The following LINGO2 variants were observed in gnomAD, a reference collection of about 807,000 sequenced individuals.
LINGO2 encodes the protein leucine-rich repeat and immunoglobulin-like domain-containing nogo receptor-interacting protein 2.
LINGO2 carries 14 observed loss-of-function variants against 30.6 expected under a neutral mutation model. The observed-to-expected ratio is 0.46, with a 90% CI of 0.30 to 0.72. The LOEUF is 0.72. Ranked by LOEUF, LINGO2 falls within the 30% of genes least tolerant of loss-of-function variation. The pLI is 0.07. For missense variants in LINGO2, 729 were observed against 751.7 expected, an observed-to-expected ratio of 0.97 and a Z score of 0.35; for synonymous variants, 317 against 288.5, an observed-to-expected ratio of 1.10 and a Z score of -1.00.
At chr9:28,713,521 A>G in the LINGO2 span, among the ~76,000 whole-genome samples, 1 of 152,168 alleles carries the variant, frequency 6.6e-6, no homozygotes, top group African/African-American at 2.4e-5. Context: ...AAAATGCTCC[A>G]TGCTCTTTCC....
At chr9:28,653,484 TTAAA>T (rs1438994843) in intron 1 of LINGO2, among the ~76,000 whole-genome samples, 1 of 151,992 alleles carries the variant, frequency 6.6e-6, no homozygotes, top group African/African-American at 2.4e-5. Context: ...GATAGGAAAA[TTAAA>T]TAAATGAGGA....
the LINGO2 span, among the ~76,000 whole-genome samples, chr9:28,944,527 T>C: frequency 2.0e-5 from 3 of 152,106 alleles, no homozygotes; most frequent in Admixed American, 2.0e-4. Flanking sequence ...TGCCTCAGCC[T>C]CCCGTGTAGC....
the LINGO2 span, among the ~76,000 whole-genome samples, chr9:29,148,818 G>A: frequency 3.3e-5 from 5 of 152,016 alleles, no homozygotes; most frequent in Non-Finnish European, 5.9e-5. Flanking sequence ...TGATAATTAC[G>A]GGATTTTGCC....
chr9:28,547,895 T>G (rs1822035355), intron 1 of LINGO2, among the ~76,000 whole-genome samples: 1 of 152,152 alleles, frequency 6.6e-6, no homozygotes, highest in Admixed American at 6.6e-5. Context: ...AGTTTCTAAG[T>G]TGTTATACAA....
intron 5 of LINGO2, among the ~76,000 whole-genome samples, chr9:27,993,617 G>C (rs1821506980): frequency 6.6e-6 from 1 of 152,014 alleles, no homozygotes; most frequent in African/African-American, 2.4e-5. Flanking sequence ...ATCTTAAATG[G>C]ATATATTTTC....
At chr9:28,053,188 T>C (rs1250939245) in intron 4 of LINGO2, among the ~76,000 whole-genome samples, 4 of 152,022 alleles carry the variant, frequency 2.6e-5, no homozygotes, top group African/African-American at 7.2e-5. Flanking sequence ...CTAGGTGATA[T>C]CTATACAGGC....
chr9:28,888,626 A>AGTCT, the LINGO2 span, among the ~76,000 whole-genome samples: 1 of 152,156 alleles, frequency 6.6e-6, no homozygotes, highest in Non-Finnish European at 1.5e-5. Flanking sequence ...ATGTCTGCTG[A>AGTCT]GTTTACAAAG....
chr9:28,795,983 TACACACACACAC>T, the LINGO2 span, among the ~76,000 whole-genome samples: 3 of 138,166 alleles, frequency 2.2e-5, no homozygotes, highest in Non-Finnish European at 3.1e-5. Flanking sequence ...CAGTACTAGA[TACACACACACAC>T]ACACACACAC....
At chr9:28,779,620 A>T in the LINGO2 span, among the ~76,000 whole-genome samples, 1 of 152,174 alleles carries the variant, frequency 6.6e-6, no homozygotes, top group Non-Finnish European at 1.5e-5. Flanking sequence ...AGAGGAAAAG[A>T]GTGTACAATA....
At chr9:28,334,909 A>G (rs1214174256) in intron 3 of LINGO2, among the ~76,000 whole-genome samples, 2 of 152,262 alleles carry the variant, frequency 1.3e-5, no homozygotes, top group East Asian at 3.9e-4. Context: ...CAAAGCAGGG[A>G]TAATGAGACT....
At chr9:28,727,961 C>A in the LINGO2 span, among the ~76,000 whole-genome samples, 4 of 152,056 alleles carry the variant, frequency 2.6e-5, no homozygotes, top group Admixed American at 6.6e-5. Context: ...AATAGGGTAC[C>A]ATAGAAGGGC....
At chr9:28,585,565 T>TA (rs36057790) in intron 1 of LINGO2, among the ~76,000 whole-genome samples, 12,936 of 152,068 alleles carry the variant, frequency 0.085, 714 homozygotes, top group East Asian at 0.18. Context: ...ATAGGTCTTG[T>TA]ATGGGATGAT....
At chr9:28,215,025 T>C (rs1286171002) in intron 4 of LINGO2, among the ~76,000 whole-genome samples, 2 of 151,722 alleles carry the variant, frequency 1.3e-5, no homozygotes, top group African/African-American at 4.8e-5. Flanking sequence ...GAAGAGATCC[T>C]CTTTCTTCTA....
At chr9:28,394,847 A>G (rs938474884) in intron 2 of LINGO2, among the ~76,000 whole-genome samples, 2 of 152,254 alleles carry the variant, frequency 1.3e-5, no homozygotes, top group Admixed American at 6.5e-5. Flanking sequence ...AGAATTAACT[A>G]TAGAATTCCC....
the LINGO2 span, among the ~76,000 whole-genome samples, chr9:29,011,354 C>G: frequency 6.6e-6 from 1 of 151,874 alleles, no homozygotes; most frequent in South Asian, 2.1e-4. Flanking sequence ...CTTGCACCTA[C>G]TAGCACACAT....
intron 4 of LINGO2, among the ~76,000 whole-genome samples, chr9:28,194,420 G>T (rs1819934648): frequency 1.3e-5 from 2 of 152,018 alleles, no homozygotes; most frequent in South Asian, 4.1e-4. Flanking sequence ...CAAAAGAAGT[G>T]AAGTAAATTG....
At chr9:29,177,284 C>A in the LINGO2 span, among the ~76,000 whole-genome samples, 1 of 152,130 alleles carries the variant, frequency 6.6e-6, no homozygotes, top group Non-Finnish European at 1.5e-5. Context: ...TATATACTTA[C>A]AAAATCAGAC....
At chr9:28,448,082 G>C (rs144174147) in intron 2 of LINGO2, among the ~76,000 whole-genome samples, 1 of 152,066 alleles carries the variant, frequency 6.6e-6, no homozygotes, top group African/African-American at 2.4e-5. Flanking sequence ...GCAAATGAAG[G>C]GGGTACGTGC....
At chr9:29,109,705 G>A in the LINGO2 span, among the ~76,000 whole-genome samples, 1 of 152,176 alleles carries the variant, frequency 6.6e-6, no homozygotes, top group Non-Finnish European at 1.5e-5. Context: ...TCTTCATTTC[G>A]TAACAAATTT....
Sources: allele counts gnomAD v4.1 joint callset (sites outside exome capture counted in the v4.1 genomes callset), GRCh38; gene constraint gnomAD v4.1.1; transcripts MANE v1.5; gene names NCBI Gene and HGNC (gene_info 2026-07-23, HGNC 2026-07-21).